ARHGEF26: variants seen among roughly 807,000 people sequenced by gnomAD.
The protein encoded by ARHGEF26 is Rho guanine nucleotide exchange factor (GEF) 26.
In ARHGEF26, 59 loss-of-function variants were observed where a neutral mutation model predicts 89.4. That is an observed-to-expected ratio of 0.66 (90% CI 0.54 to 0.82). The LOEUF (loss-of-function observed/expected upper bound fraction) is 0.82. Ranked by LOEUF, ARHGEF26 falls within the 40% of genes least tolerant of loss-of-function variation. The pLI is 0.00. For synonymous variants in ARHGEF26, 500 were observed against 428.4 expected (o/e 1.17, Z -2.06); for missense variants, 1,234 against 1,085.6 (o/e 1.14, Z -1.92).
At chr3:154,242,819 CA>C (rs140410926) in intron 12 of ARHGEF26, among the ~76,000 whole-genome samples, 2,680 of 144,606 alleles carry the variant, frequency 0.019, 69 homozygotes, top group African/African-American at 0.063. Flanking sequence ...CAGCAGCCAT[CA>C]AAAAAAAAAG....
At chr3:154,147,259 G>A (rs1576702295) in intron 4 of ARHGEF26, among the ~76,000 whole-genome samples, 3 of 152,120 alleles carry the variant, frequency 2.0e-5, no homozygotes, top group Non-Finnish European at 4.4e-5. Flanking sequence ...ACAAATATTA[G>A]CCAGGCACTG....
Position 154,152,792 on chromosome 3 carries a change from C to A in ARHGEF26, c.1347C>A (p.Ser449=). 1 of 1,537,108 alleles carries A rather than the reference C, an allele frequency of 6.5e-7. No homozygotes were observed. The highest frequency in any genetic ancestry group is 2.4e-5 in the East Asian group (1 of 40,960). The change falls in exon 6 of 15, where the codon TCC becomes TCA. Residue 449 remains serine, a synonymous_variant. Coordinates refer to ENST00000465093, the MANE Select transcript of ARHGEF26 (RefSeq NM_015595.4). ...ACCAGGCTATCTTTGAAGTCATATC[C>A]TCTGAACATTCATATTTACTCAGCT... ...KRQEAIFEVI[S]SEHSYLLSLE... is the part of the protein sequence containing the mutation.
chr3:154,245,574 T>C (rs140205181), intron 12 of ARHGEF26, among the ~76,000 whole-genome samples: 119 of 152,276 alleles, frequency 7.8e-4, no homozygotes, highest in African/African-American at 2.7e-3. Context: ...AAGCCTTTCC[T>C]CTGCTGAGGA....
chr3:154,167,341 A>C (rs1398673576), intron 6 of ARHGEF26, among the ~76,000 whole-genome samples: 1 of 152,196 alleles, frequency 6.6e-6, no homozygotes, highest in African/African-American at 2.4e-5. Flanking sequence ...GATGCCTGAG[A>C]AACAGAGTAT....
intron 6 of ARHGEF26, among the ~76,000 whole-genome samples, chr3:154,155,536 A>G (rs1161507790): frequency 1.3e-5 from 2 of 152,058 alleles, no homozygotes; most frequent in Admixed American, 6.6e-5. Context: ...AATGATGAAC[A>G]TAACTGAATT....
chr3:154,155,094 G>C (rs918177013), intron 6 of ARHGEF26, among the ~76,000 whole-genome samples: 2 of 151,716 alleles, frequency 1.3e-5, no homozygotes, highest in Non-Finnish European at 2.9e-5. Flanking sequence ...CAAACCTTTA[G>C]ATTTTTGTCA....
intron 2 of ARHGEF26, among the ~76,000 whole-genome samples, chr3:154,123,913 A>G (rs1452295094): frequency 9.8e-5 from 1 of 10,156 alleles, no homozygotes; most frequent in African/African-American, 1.3e-3. Context: ...GGTTTCAGCA[A>G]TAAGGCAGAT....
intron 6 of ARHGEF26, among the ~76,000 whole-genome samples, chr3:154,178,923 A>G (rs1713004773): frequency 6.6e-6 from 1 of 152,144 alleles, no homozygotes; most frequent in Non-Finnish European, 1.5e-5. Flanking sequence ...TTACTTTCCT[A>G]AAATACCAGA....
At chr3:154,123,107 CACTAAGCGGAA>C (rs1718100402) in intron 2 of ARHGEF26, 32 bp downstream of exon 2, 1 of 1,609,282 alleles carries the variant, frequency 6.2e-7, no homozygotes, top group East Asian at 2.2e-5. Flanking sequence ...GCACGCCATT[CACTAAGCGGAA>C]AGTAAATGTG....
chr3:154,184,701 T>G (rs910850275), intron 6 of ARHGEF26, among the ~76,000 whole-genome samples: 1 of 152,214 alleles, frequency 6.6e-6, no homozygotes, highest in Non-Finnish European at 1.5e-5. Flanking sequence ...TTGCCCAGAT[T>G]AGCCACCTAA....
chr3:154,228,706 G>A (rs1048348848), intron 11 of ARHGEF26, among the ~76,000 whole-genome samples: 1 of 147,036 alleles, frequency 6.8e-6, no homozygotes, highest in African/African-American at 2.6e-5. Flanking sequence ...TGTACACTAT[G>A]CCTGACCGTA....
chr3:154,202,611 A>G (rs1038886723), intron 9 of ARHGEF26, among the ~76,000 whole-genome samples: 3 of 152,094 alleles, frequency 2.0e-5, no homozygotes, highest in African/African-American at 7.2e-5. Context: ...CATTTTCAAG[A>G]TATTGATTCT....
chr3:154,246,429 A>C (rs1717804737), intron 12 of ARHGEF26, among the ~76,000 whole-genome samples: 1 of 152,196 alleles, frequency 6.6e-6, no homozygotes, highest in African/African-American at 2.4e-5. Context: ...TCAGTCCTCA[A>C]GTAGTTACCA....
chr3:154,238,919 AG>A (rs1180692169), intron 11 of ARHGEF26, among the ~76,000 whole-genome samples: 2 of 152,074 alleles, frequency 1.3e-5, no homozygotes, highest in Admixed American at 1.3e-4. Context: ...GAGGGAATTA[AG>A]GGGGGGAGGC....
intron 9 of ARHGEF26, among the ~76,000 whole-genome samples, chr3:154,217,045 T>C (rs1715806187): frequency 6.7e-6 from 1 of 150,162 alleles, no homozygotes; most frequent in Non-Finnish European, 1.5e-5. Context: ...TTTGGGTATA[T>C]ACCCAGTAAT....
rs78335715 is a variant in ARHGEF26, at chr3:154,215,099, A to T, written c.1846-2770A>T. Among the ~76,000 whole-genome samples, 19 of 152,304 alleles carry T rather than the reference A, an allele frequency of 1.2e-4. No individual in the cohort carries two copies. The East Asian group carries it at 3.5e-3, about 28-fold the overall frequency. On this transcript the variant is annotated intron_variant, in intron 9 of 14. Transcript: ENST00000465093. Reference sequence around the variant, plus strand: ...TGGTGACTTTCTTTTTGCACCTGGAATACAATCCAGACACCTTAAGACCTT... The same window carrying T: ...TGGTGACTTTCTTTTTGCACCTGGATTACAATCCAGACACCTTAAGACCTT...
intron 10 of ARHGEF26, among the ~76,000 whole-genome samples, chr3:154,223,927 T>A (rs1716299739): frequency 6.6e-6 from 1 of 151,966 alleles, no homozygotes; most frequent in East Asian, 1.9e-4. Context: ...CCCCATAAAA[T>A]TAGTTACATT....
In ARHGEF26 at chr3:154,235,596, G is replaced by T. The variant is rs1339622501; in HGVS notation, c.2091-4774G>T. ...AGCAGCCACAGACACCTAGAGTGAT[G>T]ATAGCTGTCATATCTATGTATTTTT... On this transcript the variant is annotated intron_variant, in intron 11 of 14. Coordinates refer to ENST00000465093, the MANE Select transcript of ARHGEF26 (RefSeq NM_015595.4). Among the ~76,000 whole-genome samples the T allele has an allele frequency of 2.0e-5, 3 of 152,318 alleles. No individual in the cohort carries two copies. The East Asian group carries it at 5.8e-4, about 29-fold the overall frequency.
intron 8 of ARHGEF26, among the ~76,000 whole-genome samples, chr3:154,191,989 G>A (rs962842696): frequency 1.2e-4 from 18 of 152,150 alleles, no homozygotes; most frequent in African/African-American, 1.9e-4. Flanking sequence ...TTTGAATCAC[G>A]GCAAGACATG....
Sources: gnomAD v4.1 joint callset for allele counts (sites outside exome capture counted in the v4.1 genomes callset) on GRCh38, gnomAD v4.1.1 for gene constraint, MANE v1.5 for transcripts, NCBI Gene and HGNC (gene_info 2026-07-23, HGNC 2026-07-21) for gene names.